Variants in ZNF462 observed in about 807,000 individuals in gnomAD.
ZNF462 encodes the protein zinc finger PBX1-interacting protein.
In ZNF462, 10 loss-of-function variants were observed where a neutral mutation model predicts 201.9. That is an observed-to-expected ratio of 0.05 (90% CI 0.03 to 0.08). The LOEUF (loss-of-function observed/expected upper bound fraction) is 0.08, where lower values mean the gene tolerates loss of function less well. Among genes scored for constraint, ZNF462 ranks in the 10% least tolerant of loss-of-function variants. ZNF462 has a pLI of 1.00. For missense variants in ZNF462, 2,523 were observed against 3,168.3 expected (o/e 0.80, Z 4.89); for synonymous variants, 1,227 against 1,193.3 (o/e 1.03, Z -0.58).
At chr9:106,898,257 T>A (rs1276977731) in intron 1 of ZNF462, among the ~76,000 whole-genome samples, 1 of 152,124 alleles carries the variant, frequency 6.6e-6, no homozygotes. Flanking sequence ...AAACTCACAA[T>A]GCGCTGTGGG....
intron 7 of ZNF462, among the ~76,000 whole-genome samples, chr9:106,943,306 G>C (rs1830967482): frequency 1.3e-5 from 2 of 152,000 alleles, no homozygotes; most frequent in Admixed American, 6.6e-5. Flanking sequence ...CTAAACTCTA[G>C]AATAATATTT....
chr9:106,979,979 A>T (rs1347550174), intron 9 of ZNF462, among the ~76,000 whole-genome samples: 3 of 152,226 alleles, frequency 2.0e-5, no homozygotes, highest in Non-Finnish European at 4.4e-5. Flanking sequence ...TTGGGAACGG[A>T]AATAATCTCC....
chr9:106,923,489 G>C lies in ZNF462; in HGVS notation c.106G>C (p.Val36Leu). ...VHTAFLQPTD[V>L]AEDNVNELRC... ...CACGGCATTTCTGCAGCCAACTGAT[G>C]TTGCTGAGGACAATGTGAATGAGCT... The change falls in exon 2 of 13, where the codon GTT becomes CTT. Residue 36 changes from valine to leucine, a missense_variant. By Grantham distance (32) the Val-to-Leu change is conservative. Around this residue, in one of 15 missense-constraint regions of ZNF462, gnomAD observed 480 missense variants for 544.4 expected, o/e 0.88. Coordinates refer to ENST00000277225, the MANE Select transcript of ZNF462 (RefSeq NM_021224.6). The surrounding 1 kb of genome is among the most constrained non-coding windows in gnomAD (Gnocchi z 5.6). 1 of 1,614,228 alleles carries C rather than the reference G, an allele frequency of 6.2e-7. No individual in the cohort carries two copies. Among genetic ancestry groups the C allele is most frequent in the Non-Finnish European group, 8.5e-7 (1 of 1,180,050 alleles).
In ZNF462 at chr9:106,977,779, G is replaced by C. The variant is rs57466834; in HGVS notation, c.6832+3506G>C. 0.029 allele frequency among the ~76,000 whole-genome samples: 4,421 copies of C among 151,556 alleles called. 228 individuals carry two copies. The highest frequency in any genetic ancestry group is 0.16 in the East Asian group (835 of 5,176). ...CTGAGCCATGATAACATTTCAACAGGCAGAGAAGACTTAAGGCAGGGCATA... is the reference window on the plus strand; with the variant it reads ...CTGAGCCATGATAACATTTCAACAGCCAGAGAAGACTTAAGGCAGGGCATA... On this transcript the variant is annotated intron_variant, in intron 9 of 12. Transcript: ENST00000277225. The surrounding 1 kb of genome is among the most constrained non-coding windows in gnomAD (Gnocchi z 4.6).
chr9:107,009,635 C>G lies in ZNF462; in HGVS notation c.7280C>G (p.Ser2427Cys). The change falls in exon 12 of 13, where the codon TCT (serine) becomes TGT (cysteine). Residue 2427 changes from serine to cysteine, a missense_variant. By Grantham distance (112) the Ser-to-Cys change is moderately radical. Coordinates refer to ENST00000277225, the MANE Select transcript of ZNF462 (RefSeq NM_021224.6). This position sits in a 1 kb window ranked among gnomAD's most constrained non-coding sequence, Gnocchi z 6.1. ...EFCGRAFSQG[S>C]EWERHVLRHG... ...TGTGGACGGGCGTTTTCACAGGGCT[C>G]TGAGTGGGAAAGACATGTGCTGAGA... is the stretch of plus-strand genomic sequence containing the variant. The G allele has an allele frequency of 6.2e-7, 1 of 1,610,060 alleles. No homozygotes were observed.
At chr9:106,894,064 A>C (rs2131087912) in intron 1 of ZNF462, among the ~76,000 whole-genome samples, 1 of 152,370 alleles carries the variant, frequency 6.6e-6, no homozygotes, top group Non-Finnish European at 1.5e-5. Context: ...AATCCTATGA[A>C]ATAGTACCAT....
intron 1 of ZNF462, among the ~76,000 whole-genome samples, chr9:106,887,616 C>T (rs1426268223): frequency 6.6e-6 from 1 of 152,218 alleles, no homozygotes; most frequent in Non-Finnish European, 1.5e-5. Context: ...TGTTTAGTAG[C>T]ACAAACACCC....
chr9:106,908,932 T>C (rs1422280244), intron 1 of ZNF462, among the ~76,000 whole-genome samples: 71 of 40,258 alleles, frequency 1.8e-3, no homozygotes, highest in Non-Finnish European at 2.6e-3. Flanking sequence ...TATATATATA[T>C]ATATATATAT....
Position 106,927,837 on chromosome 9 carries a change from G to A in ZNF462, c.3925G>A (p.Glu1309Lys), listed in dbSNP as rs904082269. ...ATGGGCATTTCTAGATGGCTTGATA[G>A]AAGCTGGCTACCACTGCGAGTGGTG... ...MRWAFLDGLI[E>K]AGYHCEWCIY... Residue 1309 changes from glutamate to lysine, a missense_variant, in exon 3 of 13, where the codon GAA becomes AAA. Glu to Lys is a moderately conservative substitution (Grantham distance 56). This residue lies in a region of ZNF462 where 222 missense variants were observed against 271.6 expected (regional missense o/e 0.82). Coordinates refer to ENST00000277225, the MANE Select transcript of ZNF462 (RefSeq NM_021224.6). The A allele has an allele frequency of 3.7e-6, 6 of 1,614,072 alleles. No individual in the cohort carries two copies. The highest frequency in any genetic ancestry group is 5.1e-6 in the Non-Finnish European group (6 of 1,180,042).
At chr9:106,956,243 G>A (rs1177127015) in intron 7 of ZNF462, among the ~76,000 whole-genome samples, 1 of 152,122 alleles carries the variant, frequency 6.6e-6, no homozygotes, top group Non-Finnish European at 1.5e-5. Flanking sequence ...TATTGTGTTA[G>A]CAGGCATGAA....
chr9:106,884,624 A>AT (rs1241377400), intron 1 of ZNF462, among the ~76,000 whole-genome samples: 1 of 151,942 alleles, frequency 6.6e-6, no homozygotes, highest in Non-Finnish European at 1.5e-5. Context: ...ATTGGATGCA[A>AT]TTTTTTCATA....
intron 7 of ZNF462, among the ~76,000 whole-genome samples, chr9:106,953,665 A>G (rs1019074089): frequency 2.6e-5 from 4 of 152,010 alleles, no homozygotes; most frequent in Admixed American, 1.3e-4. Context: ...CTCTTTACAG[A>G]TATATGAAGT....
At chr9:106,888,280 A>C (rs1828418546) in intron 1 of ZNF462, among the ~76,000 whole-genome samples, 2 of 151,280 alleles carry the variant, frequency 1.3e-5, no homozygotes, top group Non-Finnish European at 2.9e-5. Flanking sequence ...TGACCTCGTG[A>C]TCCGCCCACC....
At chr9:106,948,056 A>G (rs1357306925) in intron 7 of ZNF462, among the ~76,000 whole-genome samples, 1 of 152,188 alleles carries the variant, frequency 6.6e-6, no homozygotes, top group East Asian at 1.9e-4. Flanking sequence ...GTAGGGCTTC[A>G]TGGAAGAGGC....
intron 1 of ZNF462, among the ~76,000 whole-genome samples, chr9:106,915,690 A>G (rs1588048307): frequency 6.6e-6 from 1 of 152,352 alleles, no homozygotes; most frequent in Non-Finnish European, 1.5e-5. Flanking sequence ...GAAGTCAAGA[A>G]GAGGAAAACA....
intron 10 of ZNF462, among the ~76,000 whole-genome samples, chr9:106,985,791 G>C (rs934097618): frequency 6.6e-6 from 1 of 152,124 alleles, no homozygotes; most frequent in African/African-American, 2.4e-5. Context: ...GTGGGGTGTT[G>C]AGAGAGAAGG....
chr9:106,869,885 A>G (rs1013565513), intron 1 of ZNF462, among the ~76,000 whole-genome samples: 1 of 152,038 alleles, frequency 6.6e-6, no homozygotes, highest in Non-Finnish European at 1.5e-5. Context: ...TTTAGATTGT[A>G]TTTGCAGTAT....
Position 106,981,964 on chromosome 9 carries a change from TGAG to T in ZNF462, c.6833-2219_6833-2217del, listed in dbSNP as rs1402711187. ...AACAGTAGAGATGATAACATATAAA[TGAG>T]GAACTAAAATGTAGAGAGAGCAAGG... is the stretch of plus-strand genomic sequence containing the variant. On this transcript the variant is annotated intron_variant, in intron 9 of 12. Coordinates refer to ENST00000277225, the MANE Select transcript of ZNF462 (RefSeq NM_021224.6). This position sits in a 1 kb window ranked among gnomAD's most constrained non-coding sequence, Gnocchi z 4.0. Among the ~76,000 whole-genome samples, 1 of 152,084 alleles carries T rather than the reference TGAG, an allele frequency of 6.6e-6. No homozygotes were observed. The highest frequency in any genetic ancestry group is 6.5e-5 in the Admixed American group (1 of 15,270).
chr9:106,862,439 G>A (rs888216337), upstream of ZNF462, among the ~76,000 whole-genome samples: 3 of 152,092 alleles, frequency 2.0e-5, no homozygotes, highest in Non-Finnish European at 4.4e-5. This position sits in a 1 kb window ranked among gnomAD's most constrained non-coding sequence, Gnocchi z 4.2. Context: ...CCACCGGGAC[G>A]CGAGCGCGCA....
Sources: gnomAD v4.1 joint callset for allele counts (sites outside exome capture counted in the v4.1 genomes callset) on GRCh38, gnomAD v4.1.1 for gene constraint, gnomAD v4.1.1 regional missense constraint, Gnocchi (gnomAD v3.1) non-coding constraint, MANE v1.5 for transcripts, NCBI Gene and HGNC (gene_info 2026-07-23, HGNC 2026-07-21) for gene names.